CISD2: variants seen among roughly 807,000 people sequenced by gnomAD.
The protein encoded by CISD2 is CDGSH iron sulfur domain 2, also known as CDGSH iron-sulfur domain-containing protein 2.
In CISD2, 1 loss-of-function variant was observed where a neutral mutation model predicts 12.9. The observed-to-expected ratio is 0.08, with a 90% CI of 0.03 to 0.37. The LOEUF (loss-of-function observed/expected upper bound fraction) is 0.37. CISD2 is among the 10% of genes least tolerant of loss of function. The pLI, the probability that CISD2 is intolerant of heterozygous loss-of-function variation, is 0.99. For missense variants in CISD2, 97 were observed against 163.1 expected, an observed-to-expected ratio of 0.59 and a Z score of 2.21; for synonymous variants, 50 against 60.6, an observed-to-expected ratio of 0.83 and a Z score of 0.81.
intron 1 of CISD2, among the ~76,000 whole-genome samples, chr4:102,883,633 C>T (rs755852906): frequency 2.6e-5 from 4 of 152,142 alleles, no homozygotes; most frequent in African/African-American, 7.2e-5. Flanking sequence ...TCCTTCTCCC[C>T]GCAAAAACAG....
At chr4:102,884,965 T>TA (rs1464718207) in intron 1 of CISD2, 3 of 448,736 alleles carry the variant, frequency 6.7e-6, no homozygotes, top group Non-Finnish European at 4.1e-6. Flanking sequence ...GACAATGAGA[T>TA]AGGATATTTG....
intron 1 of CISD2, among the ~76,000 whole-genome samples, chr4:102,882,186 T>G (rs1733737304): frequency 1.3e-5 from 2 of 152,194 alleles, no homozygotes. Flanking sequence ...AGTGAAACCC[T>G]GTCTCAAAAA....
At chr4:102,878,513 T>C (rs1454988332) in intron 1 of CISD2, among the ~76,000 whole-genome samples, 1 of 152,178 alleles carries the variant, frequency 6.6e-6, no homozygotes, top group South Asian at 2.1e-4. Flanking sequence ...TAAGTTCCGA[T>C]TTCAGGTCAT....
intron 1 of CISD2, among the ~76,000 whole-genome samples, chr4:102,876,199 T>C (rs1403629329): frequency 6.6e-6 from 1 of 152,228 alleles, no homozygotes; most frequent in Non-Finnish European, 1.5e-5. Context: ...TGGTAGGTAC[T>C]AAGTAAATAT....
intron 1 of CISD2, 157 bp downstream of exon 1, chr4:102,869,344 C>T (rs767405249): frequency 1.0e-5 from 10 of 971,738 alleles, no homozygotes; most frequent in Admixed American, 8.0e-5. Context: ...ACGCAGCTGC[C>T]TGGGGAACGC....
chr4:102,869,837 TG>T (rs1733382204), intron 1 of CISD2, among the ~76,000 whole-genome samples: 1 of 152,248 alleles, frequency 6.6e-6, no homozygotes, highest in African/African-American at 2.4e-5. Context: ...AAGGCCGGTA[TG>T]AGGAGTGAAA....
chr4:102,874,126 C>CAAA (rs35847709), intron 1 of CISD2, among the ~76,000 whole-genome samples: 1 of 133,156 alleles, frequency 7.5e-6, no homozygotes. Context: ...ACTCTGTCTT[C>CAAA]AAAAAAAAAA....
chr4:102,873,207 G>T (rs1733505207), intron 1 of CISD2, among the ~76,000 whole-genome samples: 1 of 152,144 alleles, frequency 6.6e-6, no homozygotes, highest in Admixed American at 6.5e-5. Context: ...TTTCAGTGGG[G>T]ACACAAAGCC....
rs1334590547 is a variant in CISD2 at position 102,888,642 on chromosome 4, G to C, written c.*1212G>C. 6.6e-6 allele frequency: 1 copy of C among 152,180 alleles called. No individual in the cohort carries two copies. Among genetic ancestry groups the C allele is most frequent in the Non-Finnish European group, 1.5e-5 (1 of 68,036 alleles). 9.4% of individuals were successfully genotyped at this position (152,180 alleles called of 1,614,324 possible). On this transcript the variant is annotated 3_prime_UTR_variant, in exon 3 of 3. Coordinates refer to ENST00000273986, the MANE Select transcript of CISD2 (RefSeq NM_001008388.5). ...ATCTTACATTACTACTCTCATAATA[G>C]CTATCCTTAGCCAGGTGCCATGGCA...
intron 1 of CISD2, among the ~76,000 whole-genome samples, chr4:102,874,010 C>T (rs1017251085): frequency 3.3e-5 from 5 of 151,816 alleles, no homozygotes; most frequent in African/African-American, 1.2e-4. Flanking sequence ...CTTGTATTCT[C>T]AGCTACTCAG....
In CISD2 at chr4:102,889,409, C is replaced by G. The variant is rs1260438636; in HGVS notation, c.*1979C>G. On this transcript the variant is annotated 3_prime_UTR_variant, in exon 3 of 3. Coordinates refer to ENST00000273986, the MANE Select transcript of CISD2 (RefSeq NM_001008388.5). ...TGATCTGTGTTCATGAAATGCTCTTCTTTTTGTAAAATCTATCACTGCATC... is the reference window on the plus strand; with the variant it reads ...TGATCTGTGTTCATGAAATGCTCTTGTTTTTGTAAAATCTATCACTGCATC... 1 of 152,172 alleles carries G rather than the reference C, an allele frequency of 6.6e-6. No individual in the cohort carries two copies. The highest frequency in any genetic ancestry group is 1.5e-5 in the Non-Finnish European group (1 of 68,030). 9.4% of individuals were successfully genotyped at this position (152,172 alleles called of 1,614,324 possible).
intron 1 of CISD2, among the ~76,000 whole-genome samples, chr4:102,870,581 TAAC>T (rs953681785): frequency 2.0e-5 from 3 of 152,156 alleles, no homozygotes; most frequent in African/African-American, 7.2e-5. Context: ...GAAAGCATGG[TAAC>T]AATAATAAAC....
intron 1 of CISD2, among the ~76,000 whole-genome samples, chr4:102,875,425 T>C (rs1238443519): frequency 1.3e-5 from 2 of 152,238 alleles, no homozygotes; most frequent in Non-Finnish European, 2.9e-5. Context: ...GAGTGTGTTT[T>C]ATAATTTTTG....
chr4:102,878,148 A>G (rs934563229), intron 1 of CISD2, among the ~76,000 whole-genome samples: 2 of 150,150 alleles, frequency 1.3e-5, no homozygotes, highest in African/African-American at 4.9e-5. Context: ...GGCGGGGGGA[A>G]GGAGGGGGAC....
chr4:102,881,760 T>C (rs898668316), intron 1 of CISD2, among the ~76,000 whole-genome samples: 1 of 152,244 alleles, frequency 6.6e-6, no homozygotes, highest in African/African-American at 2.4e-5. Context: ...CATCACTGTA[T>C]TTTTAAGCAT....
In CISD2 at chr4:102,890,202, C is replaced by T. The variant is rs994426600; in HGVS notation, c.*2772C>T. On this transcript the variant is annotated 3_prime_UTR_variant, in exon 3 of 3. Transcript: ENST00000273986. The stretch of plus-strand genomic sequence containing the variant: ...TCAGCTTTGAGTTCAATGCCAAATA[C>T]GATGATTCATTAAGTTGACTTTGTA... 10 of 152,132 alleles carry T rather than the reference C, an allele frequency of 6.6e-5. No homozygotes were observed. The highest frequency in any genetic ancestry group is 1.7e-4 in the African/African-American group (7 of 41,410). The allele number at this position is 152,132 out of a possible 1,614,324, so 9.4% of individuals were successfully genotyped here. A position where few individuals can be genotyped will look rare whatever the true frequency, so the allele number is the denominator to read the frequency against.
Position 102,887,874 on chromosome 4 carries a change from A to G in CISD2, c.*444A>G, listed in dbSNP as rs1734014846. On this transcript the variant is annotated 3_prime_UTR_variant, in exon 3 of 3. Coordinates refer to ENST00000273986, the MANE Select transcript of CISD2 (RefSeq NM_001008388.5). ...TTTGGTTAGGTGAATTAAGAAAAAT[A>G]TTGCCATCAAGAATTACTTGTGTTT... 6.2e-6 allele frequency: 1 copy of G among 160,298 alleles called. No individual in the cohort carries two copies. Among genetic ancestry groups the G allele is most frequent in the African/African-American group, 2.4e-5 (1 of 41,482 alleles). The allele number at this position is 160,298 out of a possible 1,614,324, so 9.9% of individuals were successfully genotyped here.
intron 1 of CISD2, among the ~76,000 whole-genome samples, chr4:102,879,481 G>A (rs1733666035): frequency 6.6e-6 from 1 of 152,028 alleles, no homozygotes; most frequent in African/African-American, 2.4e-5. Flanking sequence ...CAAACTGAGC[G>A]CTTCACAAAC....
intron 1 of CISD2, among the ~76,000 whole-genome samples, chr4:102,884,238 A>G (rs912465000): frequency 6.6e-6 from 1 of 152,226 alleles, no homozygotes; most frequent in African/African-American, 2.4e-5. Flanking sequence ...CCTACCACAT[A>G]TAGTTGTTTA....
Sources: gnomAD v4.1 joint callset for allele counts (sites outside exome capture counted in the v4.1 genomes callset) on GRCh38, gnomAD v4.1.1 for gene constraint, MANE v1.5 for transcripts, NCBI Gene and HGNC (gene_info 2026-07-23, HGNC 2026-07-21) for gene names.